The following ADK variants were observed in gnomAD, a reference collection of about 807,000 sequenced individuals.
ADK encodes adenosine kinase, also known as N6,N6-dimethyladenosine kinase.
Under a neutral mutation model 44.7 loss-of-function variants are expected in ADK, and 24 were observed. The observed-to-expected ratio is 0.54, with a 90% CI of 0.39 to 0.76. The LOEUF (loss-of-function observed/expected upper bound fraction) is 0.76. Among genes scored for constraint, ADK ranks in the 30% least tolerant of loss-of-function variants. ADK has a pLI of 0.00. For missense variants in ADK, 321 were observed against 425.1 expected (o/e 0.76, Z 2.15); for synonymous variants, 128 against 142.6 (o/e 0.90, Z 0.73).
Position 74,210,475 on chromosome 10 carries a change from G to A in ADK, c.140+9637G>A, listed in dbSNP as rs185029837. Among the ~76,000 whole-genome samples the A allele has an allele frequency of 9.9e-5, 15 of 151,960 alleles. No individual in the cohort carries two copies. The East Asian group carries it at 2.7e-3, about 27-fold the overall frequency. ...ATTAATCTGAGTATGCATGAAAGAT[G>A]TTACTTAATGTTCAAACCTAAAATG... On this transcript the variant is annotated intron_variant, in intron 2 of 10. Coordinates refer to ENST00000539909, the MANE Select transcript of ADK (RefSeq NM_006721.4).
intron 10 of ADK, among the ~76,000 whole-genome samples, chr10:74,705,387 C>T (rs1419680904): frequency 6.6e-6 from 1 of 152,138 alleles, no homozygotes; most frequent in Non-Finnish European, 1.5e-5. Context: ...TCTTTTTTCA[C>T]AGTTTTATTG....
chr10:74,409,918 G>C (rs975597854), intron 6 of ADK, among the ~76,000 whole-genome samples: 2 of 152,084 alleles, frequency 1.3e-5, no homozygotes, highest in African/African-American at 4.8e-5. Context: ...CCTATGCCAT[G>C]AGTAACAATT....
At chr10:74,424,337 C>A (rs955078573) in intron 6 of ADK, among the ~76,000 whole-genome samples, 1 of 151,876 alleles carries the variant, frequency 6.6e-6, no homozygotes, top group Non-Finnish European at 1.5e-5. Flanking sequence ...GAGTTCATGA[C>A]CAGCCTGACC....
intron 6 of ADK, among the ~76,000 whole-genome samples, chr10:74,449,373 A>G (rs1459413276): frequency 1.3e-5 from 2 of 152,214 alleles, no homozygotes; most frequent in Non-Finnish European, 2.9e-5. Context: ...ATTACATCTG[A>G]AAAATACCTG....
intron 4 of ADK, chr10:74,372,326 CTG>C: frequency 1.3e-6 from 1 of 753,084 alleles, no homozygotes; most frequent in Non-Finnish European, 2.4e-6. Context: ...CTACTGAAGA[CTG>C]GAGTGCTGAG....
At chr10:74,415,050 A>C (rs2132976582) in intron 6 of ADK, among the ~76,000 whole-genome samples, 1 of 152,338 alleles carries the variant, frequency 6.6e-6, no homozygotes, top group African/African-American at 2.4e-5. Flanking sequence ...ATGGGAGCTT[A>C]GGAGCCCTAA....
intron 10 of ADK, among the ~76,000 whole-genome samples, chr10:74,701,881 T>C (rs1256243359): frequency 6.6e-6 from 1 of 151,644 alleles, no homozygotes; most frequent in African/African-American, 2.4e-5. Flanking sequence ...GAGGTGGAGG[T>C]TGCAGTGAGC....
chr10:74,319,886 TATTATTAC>T (rs1306669195), intron 4 of ADK, among the ~76,000 whole-genome samples: 4 of 152,322 alleles, frequency 2.6e-5, no homozygotes, highest in Admixed American at 1.3e-4. Flanking sequence ...TCTTCTTATA[TATTATTAC>T]GCTCATTGAT....
At chr10:74,221,856 A>G (rs986538550) in intron 2 of ADK, among the ~76,000 whole-genome samples, 7 of 150,980 alleles carry the variant, frequency 4.6e-5, no homozygotes, top group African/African-American at 1.7e-4. Flanking sequence ...CTTACACCTT[A>G]TACAAAAATC....
chr10:74,196,365 C>T (rs1446203153), intron 1 of ADK, among the ~76,000 whole-genome samples: 4 of 151,960 alleles, frequency 2.6e-5, no homozygotes, highest in Non-Finnish European at 5.9e-5. Flanking sequence ...CATGGTAAAA[C>T]CCCATCTCTA....
intron 1 of ADK, among the ~76,000 whole-genome samples, chr10:74,199,718 C>T (rs766337845): frequency 1.3e-5 from 2 of 152,108 alleles, no homozygotes; most frequent in Admixed American, 6.5e-5. Context: ...CTCGCTCTGT[C>T]GCCCAGGCTG....
intron 4 of ADK, among the ~76,000 whole-genome samples, chr10:74,347,985 G>A (rs746163326): frequency 7.9e-5 from 12 of 152,182 alleles, no homozygotes; most frequent in Admixed American, 2.0e-4. Flanking sequence ...GGCTGTGGGC[G>A]CAGCTTCAGA....
intron 6 of ADK, among the ~76,000 whole-genome samples, chr10:74,461,406 T>G (rs1469847698): frequency 6.6e-6 from 1 of 152,106 alleles, no homozygotes; most frequent in African/African-American, 2.4e-5. Context: ...GAAAAAAGCC[T>G]GGTAATAGTA....
intron 6 of ADK, among the ~76,000 whole-genome samples, chr10:74,432,686 C>T (rs2133091670): frequency 6.6e-6 from 1 of 152,266 alleles, no homozygotes; most frequent in East Asian, 1.9e-4. Flanking sequence ...TGAGTCTCTT[C>T]AAGTGTATAC....
chr10:74,239,663 C>T (rs771855329), intron 3 of ADK, among the ~76,000 whole-genome samples: 1 of 144,574 alleles, frequency 6.9e-6, no homozygotes, highest in Admixed American at 7.2e-5. Context: ...ATGCAGTGAG[C>T]CATGATTGCG....
At chr10:74,166,123 A>G (rs776388873) in intron 1 of ADK, among the ~76,000 whole-genome samples, 6 of 152,062 alleles carry the variant, frequency 3.9e-5, no homozygotes, top group African/African-American at 9.7e-5. Context: ...TATTTTTAGT[A>G]GAGACGGGGT....
chr10:74,580,277 T>A (rs974442701), intron 7 of ADK, among the ~76,000 whole-genome samples: 6 of 152,106 alleles, frequency 3.9e-5, no homozygotes, highest in African/African-American at 1.4e-4. Context: ...CTGATGGTTT[T>A]AAAAAGAGGA....
chr10:74,476,184 A>G (rs904429219), intron 6 of ADK, among the ~76,000 whole-genome samples: 2 of 152,142 alleles, frequency 1.3e-5, no homozygotes, highest in South Asian at 2.1e-4. Context: ...CAAACCTAGT[A>G]TACATATAAA....
At chr10:74,306,577 T>A (rs1313725863) in intron 3 of ADK, among the ~76,000 whole-genome samples, 1 of 152,228 alleles carries the variant, frequency 6.6e-6, no homozygotes, top group Non-Finnish European at 1.5e-5. Flanking sequence ...TACCAACACT[T>A]TATATGCAAA....
Sources: allele counts gnomAD v4.1 joint callset (sites outside exome capture counted in the v4.1 genomes callset), GRCh38; gene constraint gnomAD v4.1.1; transcripts MANE v1.5; gene names NCBI Gene and HGNC (gene_info 2026-07-23, HGNC 2026-07-21).